Variants in CMTM8 observed in about 807,000 individuals in gnomAD.
CMTM8 encodes the protein CKLF-like MARVEL transmembrane domain-containing protein 8.
Under a neutral mutation model 18.6 loss-of-function variants are expected in CMTM8, and 12 were observed. The ratio of observed to expected loss-of-function variants is 0.65; its 90% CI spans 0.41 to 1.05. The LOEUF (loss-of-function observed/expected upper bound fraction) is 1.05, where lower values mean the gene tolerates loss of function less well. Among genes scored for constraint, CMTM8 ranks in the 50% least tolerant of loss-of-function variants. The pLI is 0.00. For synonymous variants in CMTM8, 87 were observed against 90.6 expected, an observed-to-expected ratio of 0.96 and a Z score of 0.23; for missense variants, 217 against 227.2, an observed-to-expected ratio of 0.95 and a Z score of 0.29.
At chr3:32,258,702 G>A (rs1333223430) in intron 1 of CMTM8, among the ~76,000 whole-genome samples, 1 of 151,862 alleles carries the variant, frequency 6.6e-6, no homozygotes, top group African/African-American at 2.4e-5. Flanking sequence ...GTGGAGATGG[G>A]GTCTCAGTTT....
intron 1 of CMTM8, among the ~76,000 whole-genome samples, chr3:32,354,804 G>C (rs1696783533): frequency 6.6e-6 from 1 of 152,184 alleles, no homozygotes; most frequent in African/African-American, 2.4e-5. Context: ...CAGTCTTACT[G>C]ATCCAACAGA....
At chr3:32,257,278 G>C (rs963674515) in intron 1 of CMTM8, among the ~76,000 whole-genome samples, 3 of 152,158 alleles carry the variant, frequency 2.0e-5, no homozygotes, top group African/African-American at 7.2e-5. Context: ...CACTGGAAAG[G>C]CATTCTTTAT....
intron 1 of CMTM8, chr3:32,258,986 TG>T: frequency 3.0e-6 from 1 of 329,484 alleles, no homozygotes; most frequent in Admixed American, 3.5e-5. Context: ...TGCCAGTCCG[TG>T]GGCTCTGTCC....
chr3:32,299,296 T>G (rs762236234), intron 1 of CMTM8, among the ~76,000 whole-genome samples: 13 of 152,170 alleles, frequency 8.5e-5, no homozygotes, highest in Non-Finnish European at 1.8e-4. Context: ...TTTGAATCAA[T>G]GAAAATATTG....
intron 1 of CMTM8, among the ~76,000 whole-genome samples, chr3:32,308,108 T>C (rs1288296439): frequency 6.6e-6 from 1 of 152,186 alleles, no homozygotes; most frequent in Non-Finnish European, 1.5e-5. Flanking sequence ...TTAATTGTTA[T>C]CATAAGAGAC....
At chr3:32,290,833 G>C (rs540721227) in intron 1 of CMTM8, among the ~76,000 whole-genome samples, 4 of 152,354 alleles carry the variant, frequency 2.6e-5, no homozygotes, top group African/African-American at 7.2e-5. Flanking sequence ...GTTAGACCAA[G>C]TGCAGGCCAA....
intron 1 of CMTM8, among the ~76,000 whole-genome samples, chr3:32,288,324 C>T (rs1702719222): frequency 6.6e-6 from 1 of 152,126 alleles, no homozygotes; most frequent in Admixed American, 6.6e-5. Context: ...TACTCTGTCA[C>T]TCAGGGTAGA....
chr3:32,263,890 A>C (rs1307969532), intron 1 of CMTM8, among the ~76,000 whole-genome samples: 1 of 152,216 alleles, frequency 6.6e-6, no homozygotes, highest in African/African-American at 2.4e-5. Context: ...CGAGAAGAGA[A>C]GTTTAGAGAA....
chr3:32,251,416 T>TG lies in CMTM8; in HGVS notation c.147+12298dup, dbSNP rs573442567. ...GCAGCCTCAACCTCCTGGGCTCAGG[T>TG]GATCCTCCCACCTCAGCCTCCCAAG... On this transcript the variant is annotated intron_variant, in intron 1 of 3. Transcript: ENST00000307526. Among the ~76,000 whole-genome samples the TG allele has an allele frequency of 4.8e-4, 73 of 152,050 alleles. No individual in the cohort carries two copies. The Middle Eastern group carries it at 0.01, about 21-fold the overall frequency.
chr3:32,289,194 C>T (rs4276227), intron 1 of CMTM8, among the ~76,000 whole-genome samples: 54,399 of 152,026 alleles, frequency 0.36, 10,190 homozygotes, highest in Admixed American at 0.49. Flanking sequence ...AAAGCCCCAA[C>T]GATAACGGAT....
chr3:32,266,021 A>C (rs1702336471), intron 1 of CMTM8, among the ~76,000 whole-genome samples: 1 of 151,766 alleles, frequency 6.6e-6, no homozygotes, highest in Admixed American at 6.6e-5. Flanking sequence ...ATTCTACCAG[A>C]GGTACAAAGA....
At chr3:32,251,720 G>A (rs1702113100) in intron 1 of CMTM8, among the ~76,000 whole-genome samples, 2 of 151,848 alleles carry the variant, frequency 1.3e-5, no homozygotes, top group South Asian at 4.2e-4. Flanking sequence ...GCATTACTTA[G>A]CTAAACAGGG....
At chr3:32,318,558 T>TTA (rs1400458089) in intron 1 of CMTM8, among the ~76,000 whole-genome samples, 6 of 147,394 alleles carry the variant, frequency 4.1e-5, no homozygotes, top group Non-Finnish European at 3.0e-5. Flanking sequence ...GCTTTAGTCA[T>TTA]TATTAATTTT....
At chr3:32,367,653 T>C (rs939595229) in intron 2 of CMTM8, among the ~76,000 whole-genome samples, 3 of 152,082 alleles carry the variant, frequency 2.0e-5, no homozygotes, top group Non-Finnish European at 4.4e-5. Flanking sequence ...GCAGTCTCAG[T>C]GTCTCGTGGG....
At chr3:32,289,841 A>G (rs1702748931) in intron 1 of CMTM8, among the ~76,000 whole-genome samples, 3 of 152,194 alleles carry the variant, frequency 2.0e-5, no homozygotes, top group Admixed American at 1.3e-4. Flanking sequence ...AGGATGGGGG[A>G]AAAAGGAGGC....
intron 2 of CMTM8, among the ~76,000 whole-genome samples, chr3:32,366,803 G>A (rs1697047389): frequency 6.6e-6 from 1 of 152,200 alleles, no homozygotes. Context: ...TTCCTAATGA[G>A]TCATTTAGTG....
At chr3:32,290,117 AAAAAG>A (rs1009993040) in intron 1 of CMTM8, among the ~76,000 whole-genome samples, 24 of 141,620 alleles carry the variant, frequency 1.7e-4, no homozygotes, top group African/African-American at 4.0e-4. Context: ...CTGTCTCAAA[AAAAAG>A]AAAAGAAAAG....
intron 1 of CMTM8, among the ~76,000 whole-genome samples, chr3:32,263,906 A>G (rs1275625054): frequency 1.3e-5 from 2 of 152,234 alleles, no homozygotes; most frequent in Non-Finnish European, 2.9e-5. Flanking sequence ...GAGAAAAAAG[A>G]ATAAAAAGAA....
At chr3:32,252,276 GC>G (rs1702121428) in intron 1 of CMTM8, among the ~76,000 whole-genome samples, 1 of 151,960 alleles carries the variant, frequency 6.6e-6, no homozygotes, top group African/African-American at 2.4e-5. Flanking sequence ...GAATTCCCAG[GC>G]CCTTTTAATT....
Sources: allele counts gnomAD v4.1 joint callset (sites outside exome capture counted in the v4.1 genomes callset), GRCh38; gene constraint gnomAD v4.1.1; transcripts MANE v1.5; gene names NCBI Gene and HGNC (gene_info 2026-07-23, HGNC 2026-07-21).